Variants in CABIN1 observed in about 807,000 individuals in gnomAD.
The protein encoded by CABIN1 is calcineurin binding protein 1.
Under a neutral mutation model 227.7 loss-of-function variants are expected in CABIN1, and 133 were observed. The ratio of observed to expected loss-of-function variants is 0.58; its 90% CI spans 0.51 to 0.67. The LOEUF (loss-of-function observed/expected upper bound fraction) is 0.67, where lower values mean the gene tolerates loss of function less well. Ranked by LOEUF, CABIN1 falls within the 30% of genes least tolerant of loss-of-function variation. CABIN1 has a pLI of 0.00. For missense variants in CABIN1, 2,408 were observed against 2,852.5 expected, an observed-to-expected ratio of 0.84 and a Z score of 3.55; for synonymous variants, 1,086 against 1,155.1, an observed-to-expected ratio of 0.94 and a Z score of 1.21.
At chr22:24,092,435 A>T (rs959999908) in intron 24 of CABIN1, among the ~76,000 whole-genome samples, 1 of 152,224 alleles carries the variant, frequency 6.6e-6, no homozygotes, top group Non-Finnish European at 1.5e-5. Flanking sequence ...CTTGTGAGGC[A>T]GGCTGGGCAG....
chr22:24,122,703 C>A (rs1394637580), intron 28 of CABIN1, among the ~76,000 whole-genome samples: 2 of 151,482 alleles, frequency 1.3e-5, no homozygotes, highest in Non-Finnish European at 2.9e-5. Flanking sequence ...CCAAAACTCC[C>A]TCTAAAAAAA....
intron 27 of CABIN1, among the ~76,000 whole-genome samples, chr22:24,117,086 G>T (rs2043130009): frequency 6.6e-6 from 1 of 152,212 alleles, no homozygotes; most frequent in East Asian, 1.9e-4. Flanking sequence ...GAAATGGAGG[G>T]CTCTAGTGAC....
chr22:24,020,640 A>G (rs1179003903), intron 1 of CABIN1, among the ~76,000 whole-genome samples: 1 of 152,190 alleles, frequency 6.6e-6, no homozygotes, highest in Non-Finnish European at 1.5e-5. Context: ...AAATTTCTCC[A>G]ACATTTTCAT....
At chr22:24,145,232 T>C (rs1468285612) in intron 29 of CABIN1, among the ~76,000 whole-genome samples, 1 of 152,132 alleles carries the variant, frequency 6.6e-6, no homozygotes, top group Non-Finnish European at 1.5e-5. Context: ...GAGGAGCGTC[T>C]TCCAGGTGTT....
intron 6 of CABIN1, among the ~76,000 whole-genome samples, chr22:24,048,578 G>A (rs529540136): frequency 2.0e-5 from 3 of 152,190 alleles, no homozygotes; most frequent in African/African-American, 7.2e-5. Flanking sequence ...ACACCAACAT[G>A]CCTGACTAAT....
chr22:24,082,005 C>T (rs938272942), intron 19 of CABIN1, among the ~76,000 whole-genome samples: 6 of 151,642 alleles, frequency 4.0e-5, no homozygotes, highest in African/African-American at 9.7e-5. Context: ...CCAGCCTGGG[C>T]GACGGAGCGA....
intron 1 of CABIN1, among the ~76,000 whole-genome samples, chr22:24,027,193 A>T (rs2036156434): frequency 6.6e-6 from 1 of 152,158 alleles, no homozygotes; most frequent in Admixed American, 6.5e-5. Flanking sequence ...TAGTATGCCG[A>T]AATACAGTTA....
rs1197388702 is a variant in CABIN1 at position 24,060,156 on chromosome 22, C to T, written c.1617+15C>T. ...AGCACATCAAGGTTAGGGGGAGCCT[C>T]TCAAGGGCTGGTATTGAACTGGGAC... On this transcript the variant is annotated intron_variant, in intron 12 of 36. Coordinates refer to ENST00000263119, the MANE Select transcript of CABIN1 (RefSeq NM_012295.4). 1 of 1,610,322 alleles carries T rather than the reference C, an allele frequency of 6.2e-7. No homozygotes were observed. The highest frequency in any genetic ancestry group is 1.1e-5 in the South Asian group (1 of 90,826).
At chr22:24,113,075 A>C (rs2042894321) in intron 26 of CABIN1, among the ~76,000 whole-genome samples, 1 of 152,222 alleles carries the variant, frequency 6.6e-6, no homozygotes, top group African/African-American at 2.4e-5. Context: ...TCCAGATCAC[A>C]CCTGGCTTTT....
chr22:24,107,510 GTC>G (rs1204439107), intron 26 of CABIN1, among the ~76,000 whole-genome samples: 21 of 152,302 alleles, frequency 1.4e-4, no homozygotes, highest in Admixed American at 1.4e-3. Context: ...TATTTTAAGA[GTC>G]TCAGCAGAGT....
intron 26 of CABIN1, 61 bp downstream of exon 26, chr22:24,098,253 T>G: frequency 3.4e-6 from 5 of 1,481,938 alleles, no homozygotes; most frequent in Non-Finnish European, 3.7e-6. Flanking sequence ...GGGGGGGTGC[T>G]CGGACGACTC....
intron 7 of CABIN1, among the ~76,000 whole-genome samples, chr22:24,050,345 G>A (rs980817160): frequency 1.3e-5 from 2 of 152,208 alleles, no homozygotes; most frequent in Non-Finnish European, 2.9e-5. Context: ...GGTGAGGTTA[G>A]GTCGCCTCAG....
chr22:24,098,440 A>G (rs2042024245), intron 26 of CABIN1, among the ~76,000 whole-genome samples: 1 of 152,100 alleles, frequency 6.6e-6, no homozygotes, highest in South Asian at 2.1e-4. Flanking sequence ...AGGCCAGGCT[A>G]TGGCATCTCA....
intron 24 of CABIN1, among the ~76,000 whole-genome samples, chr22:24,093,571 T>A (rs891785110): frequency 7.4e-5 from 11 of 148,576 alleles, no homozygotes; most frequent in Non-Finnish European, 1.5e-4. Context: ...AAAACTCATT[T>A]AAAAAAAAAT....
intron 1 of CABIN1, among the ~76,000 whole-genome samples, chr22:24,032,339 A>G (rs961061322): frequency 1.3e-5 from 2 of 152,190 alleles, no homozygotes; most frequent in African/African-American, 4.8e-5. Flanking sequence ...GTTAAGTTTG[A>G]ATAGTATTCT....
chr22:24,165,730 A>G (rs1406079804), intron 31 of CABIN1, 104 bp downstream of exon 31: 3 of 931,252 alleles, frequency 3.2e-6, no homozygotes, highest in South Asian at 1.4e-5. Context: ...CTTAGGCAGG[A>G]TGTGCCTAAG....
At chr22:24,024,168 C>G (rs2035918670) in intron 1 of CABIN1, among the ~76,000 whole-genome samples, 1 of 151,650 alleles carries the variant, frequency 6.6e-6, no homozygotes, top group Non-Finnish European at 1.5e-5. Flanking sequence ...GTTGTCTTTT[C>G]ACTTTTTGAT....
chr22:24,026,724 A>G (rs1886523686), intron 1 of CABIN1, among the ~76,000 whole-genome samples: 2 of 152,052 alleles, frequency 1.3e-5, no homozygotes, highest in South Asian at 2.1e-4. Context: ...TGGACTCTGT[A>G]TTTTGTTTCA....
Position 24,056,316 on chromosome 22 carries a change from G to C in CABIN1, c.1218G>C (p.Glu406Asp). 2 of 1,613,972 alleles carry C rather than the reference G, an allele frequency of 1.2e-6. No homozygotes were observed. The highest frequency in any genetic ancestry group is 4.5e-5 in the East Asian group (2 of 44,882). ...RVRNTKCKKE[E>D]KVDFQELLMK... The stretch of plus-strand genomic sequence containing the variant: ...GAAACACCAAGTGCAAAAAAGAAGA[G>C]AAAGTAGACTTCCAGGAGCTTCTGA... The change falls in exon 10 of 37, where the codon GAG (glutamate) becomes GAC (aspartate). Residue 406 changes from glutamate to aspartate, a missense_variant. Transcript: ENST00000263119.
Sources: gnomAD v4.1 joint callset for allele counts (sites outside exome capture counted in the v4.1 genomes callset) on GRCh38, gnomAD v4.1.1 for gene constraint, MANE v1.5 for transcripts, NCBI Gene and HGNC (gene_info 2026-07-23, HGNC 2026-07-21) for gene names.